Variants in ITIH1 observed in about 807,000 individuals in gnomAD.
The protein encoded by ITIH1 is inter-alpha-trypsin inhibitor heavy chain H1.
Under a neutral mutation model 104.6 loss-of-function variants are expected in ITIH1, and 94 were observed. The observed-to-expected ratio is 0.90, with a 90% CI of 0.76 to 1.07. The LOEUF (loss-of-function observed/expected upper bound fraction) is 1.07, where lower values mean the gene tolerates loss of function less well. Ranked by LOEUF, ITIH1 falls within the 50% of genes least tolerant of loss-of-function variation. The pLI is 0.00. For missense variants in ITIH1, 1,193 were observed against 1,181.4 expected, an observed-to-expected ratio of 1.01 and a Z score of -0.14; for synonymous variants, 455 against 464.4, an observed-to-expected ratio of 0.98 and a Z score of 0.26.
At position 52,791,603 on chromosome 3, in the gene ITIH1, A is replaced by C; in HGVS notation, c.2581A>C (p.Arg861=). The change falls in exon 21 of 22, where the codon AGG becomes CGG. Residue 861 remains arginine, a synonymous_variant. Coordinates refer to ENST00000273283, the MANE Select transcript of ITIH1 (RefSeq NM_002215.4). ...AAAGCCAGATGCCACGATGGTGGTG[A>C]GGAACCGCCGGCTCACGGTCACCAG... ...PTKPDATMVV[R]NRRLTVTRGL... 6.2e-7 allele frequency: 1 copy of C among 1,614,050 alleles called. No homozygotes were observed. Among genetic ancestry groups the C allele is most frequent in the Non-Finnish European group, 8.5e-7 (1 of 1,179,984 alleles).
In ITIH1 at chr3:52,790,819, G is replaced by A; in HGVS notation, c.2392G>A (p.Val798Ile). 2 of 1,613,132 alleles carry A rather than the reference G, an allele frequency of 1.2e-6. No homozygotes were observed. Among genetic ancestry groups the A allele is most frequent in the Non-Finnish European group, 1.7e-6 (2 of 1,179,572 alleles). ...SVDDGGTFEV[V>I]LHRVWKGSSV... is the part of the protein sequence containing the mutation. ...GGACGACGGTGGCACCTTTGAGGTT[G>A]TTTTGCACCGAGTGTGGAAGGGGAG... Residue 798 changes from valine to isoleucine, a missense_variant, in exon 20 of 22, where the codon GTT (valine) becomes ATT (isoleucine). Transcript: ENST00000273283.
chr3:52,781,460 C>A (rs1379788727), intron 6 of ITIH1, among the ~76,000 whole-genome samples: 1 of 151,744 alleles, frequency 6.6e-6, no homozygotes, highest in Non-Finnish European at 1.5e-5. Context: ...TATATGAAGT[C>A]CAGGAATATA....
rs1330107888 is a variant in ITIH1, at chr3:52,778,928, T to C, written c.306-14T>C. 1 of 1,588,000 alleles carries C rather than the reference T, an allele frequency of 6.3e-7. No individual in the cohort carries two copies. The highest frequency in any genetic ancestry group is 2.2e-5 in the East Asian group (1 of 44,758). Reference sequence around the variant, plus strand: ...AGGCTCATCTTTCCTGAGGGTGTCCTTCCCTCCCTGCAGTACAGCAGATGG... The same window carrying C: ...AGGCTCATCTTTCCTGAGGGTGTCCCTCCCTCCCTGCAGTACAGCAGATGG... On this transcript the variant is annotated splice_polypyrimidine_tract_variant and intron_variant, in intron 3 of 21. Transcript: ENST00000273283.
chr3:52,785,234 A>G lies in ITIH1; in HGVS notation c.1593+5A>G. 6.2e-7 allele frequency: 1 copy of G among 1,613,504 alleles called. No individual in the cohort carries two copies. Among genetic ancestry groups the G allele is most frequent in the East Asian group, 2.2e-5 (1 of 44,872 alleles). On this transcript the variant is annotated splice_donor_5th_base_variant and intron_variant, in intron 12 of 21. Coordinates refer to ENST00000273283, the MANE Select transcript of ITIH1 (RefSeq NM_002215.4). ...GCTGATGTGCAGGCCCATGGGGTAA[A>G]TGGTGGGCCATGGAGGGTGGAGAGG...
Position 52,789,659 on chromosome 3 carries a change from C to T in ITIH1, c.2126C>T (p.Ser709Leu). The T allele has an allele frequency of 2.5e-6, 4 of 1,614,136 alleles. No homozygotes were observed. The highest frequency in any genetic ancestry group is 3.4e-6 in the Non-Finnish European group (4 of 1,180,000). The stretch of plus-strand genomic sequence containing the variant: ...CCCTCTTGCTCCATTGCAGGCTTCT[C>T]AGTGAATGGACAGCTCATTGGCAAC... ...SLVQDPNTGF[S>L]VNGQLIGNKA... The change falls in exon 19 of 22, where the codon TCA (serine) becomes TTA (leucine). Residue 709 changes from serine to leucine, a missense_variant. Physicochemically the swap from Ser to Leu is moderately radical, Grantham distance 145 (BLOSUM62 -2). Transcript: ENST00000273283.
chr3:52,784,942 C>G, intron 11 of ITIH1, 102 bp from the exon 12 acceptor site: 1 of 1,222,662 alleles, frequency 8.2e-7, no homozygotes, highest in Non-Finnish European at 1.2e-6. Flanking sequence ...CCCTCAAATT[C>G]CTTCTCTAAC....
At chr3:52,787,515 T>C (rs549279693) in intron 15 of ITIH1, 77 bp from the exon 16 acceptor site, 49 of 1,563,396 alleles carry the variant, frequency 3.1e-5, no homozygotes, top group Non-Finnish European at 4.1e-5. Context: ...AGGCCTGTTG[T>C]GGACAGAGCT....
chr3:52,788,905 C>G (rs2300149), intron 18 of ITIH1, among the ~76,000 whole-genome samples: 1 of 151,708 alleles, frequency 6.6e-6, no homozygotes, highest in Non-Finnish European at 1.5e-5. Flanking sequence ...TTAACACTTT[C>G]TAAACAAGGG....
At chr3:52,784,699 AC>A (rs1192427012) in intron 11 of ITIH1, among the ~76,000 whole-genome samples, 5 of 152,048 alleles carry the variant, frequency 3.3e-5, no homozygotes, top group African/African-American at 1.2e-4. Flanking sequence ...ACATGGTGAA[AC>A]CCCGTCTCTA....
Position 52,784,446 on chromosome 3 carries a change from A to G in ITIH1, c.1376A>G (p.Tyr459Cys), listed in dbSNP as rs766382247. ...MENNGRAQRI[Y>C]EDHDATQQLQ... ...AACAACGGACGGGCCCAGAGAATCTACGAGGACCATGATGCCACCCAGCAG... is the reference window on the plus strand; with the variant it reads ...AACAACGGACGGGCCCAGAGAATCTGCGAGGACCATGATGCCACCCAGCAG... The change falls in exon 11 of 22, where the codon TAC becomes TGC. Residue 459 changes from tyrosine (Y) to cysteine (C), a missense_variant. Physicochemically the swap from Tyr to Cys is radical, Grantham distance 194. Coordinates refer to ENST00000273283, the MANE Select transcript of ITIH1 (RefSeq NM_002215.4). 2.5e-6 allele frequency: 4 copies of G among 1,614,138 alleles called. No homozygotes were observed. The highest frequency in any genetic ancestry group is 3.3e-5 in the Admixed American group (2 of 60,020).
At chr3:52,789,880 T>C in intron 19 of ITIH1, 26 bp downstream of exon 19, 1 of 1,610,922 alleles carries the variant, frequency 6.2e-7, no homozygotes. Context: ...CTGGGCAAGA[T>C]GCAGGGGGAG....
intron 10 of ITIH1, among the ~76,000 whole-genome samples, chr3:52,783,760 G>C (rs1036595197): frequency 1.3e-5 from 2 of 152,084 alleles, no homozygotes; most frequent in Non-Finnish European, 2.9e-5. Context: ...TAGATACTGA[G>C]GGCCCTGAAA....
chr3:52,788,310 G>A lies in ITIH1; in HGVS notation c.2084G>A (p.Gly695Asp), dbSNP rs374399262. ...TLCFNINEEP[G>D]VILSLVQDPN... Reference sequence around the variant, plus strand: ...TGCTTCAACATCAATGAGGAGCCTGGTGTTATCCTGAGCCTGGTACAGGAC... The same window carrying A: ...TGCTTCAACATCAATGAGGAGCCTGATGTTATCCTGAGCCTGGTACAGGAC... The change falls in exon 18 of 22, where the codon GGT (glycine) becomes GAT (aspartate). Residue 695 changes from glycine (G) to aspartate (D), a missense_variant. By Grantham distance (94) the Gly-to-Asp change is moderately conservative (BLOSUM62 -1). Transcript: ENST00000273283. The A allele has an allele frequency of 6.2e-7, 1 of 1,609,816 alleles. No homozygotes were observed. Among genetic ancestry groups the A allele is most frequent in the African/African-American group, 1.3e-5 (1 of 74,908 alleles).
intron 2 of ITIH1, 30 bp from the exon 3 acceptor site, chr3:52,778,310 A>G: frequency 6.2e-7 from 1 of 1,609,010 alleles, no homozygotes; most frequent in Non-Finnish European, 8.5e-7. Flanking sequence ...GCCCTGTCTC[A>G]GGCCACAGCT....
intron 6 of ITIH1, among the ~76,000 whole-genome samples, chr3:52,781,272 T>TTCC (rs1699047852): frequency 7.4e-6 from 1 of 135,020 alleles, no homozygotes; most frequent in African/African-American, 2.9e-5. Context: ...CTTCTTCTTC[T>TTCC]TCTTCTTCTT....
Position 52,789,681 on chromosome 3 carries a change from C to T in ITIH1, c.2148C>T (p.Gly716=). The T allele has an allele frequency of 6.2e-7, 1 of 1,614,218 alleles. No individual in the cohort carries two copies. Among genetic ancestry groups the T allele is most frequent in the Non-Finnish European group, 8.5e-7 (1 of 1,180,040 alleles). ...TCTCAGTGAATGGACAGCTCATTGGCAACAAGGCCAGGAGCCCTGGGCAGC... is the reference window on the plus strand; with the variant it reads ...TCTCAGTGAATGGACAGCTCATTGGTAACAAGGCCAGGAGCCCTGGGCAGC... ...TGFSVNGQLI[G]NKARSPGQHD... The change falls in exon 19 of 22, where the codon GGC becomes GGT. Residue 716 remains glycine, a synonymous_variant. Coordinates refer to ENST00000273283, the MANE Select transcript of ITIH1 (RefSeq NM_002215.4).
Position 52,778,991 on chromosome 3 carries a change from G to A in ITIH1, c.355G>A (p.Ala119Thr). The A allele has an allele frequency of 6.2e-7, 1 of 1,614,146 alleles. No individual in the cohort carries two copies. Among genetic ancestry groups the A allele is most frequent in the Non-Finnish European group, 8.5e-7 (1 of 1,179,934 alleles). The part of the protein sequence containing the change: ...FIGDIKDKVT[A>T]WKQYRKAAIS... ...CGGAGACATAAAGGACAAGGTGACT[G>A]CATGGAAGCAGTACCGGAAAGCAGC... The change falls in exon 4 of 22, where the codon GCA becomes ACA. Residue 119 changes from alanine (A) to threonine (T), a missense_variant. Coordinates refer to ENST00000273283, the MANE Select transcript of ITIH1 (RefSeq NM_002215.4).
At position 52,790,814 on chromosome 3, in the gene ITIH1, A is replaced by G. The variant is rs992578612; in HGVS notation, c.2387A>G (p.Glu796Gly). ...VVSVDDGGTF[E>G]VVLHRVWKGS... ...TCTGTGGACGACGGTGGCACCTTTG[A>G]GGTTGTTTTGCACCGAGTGTGGAAG... Residue 796 changes from glutamate to glycine, a missense_variant, in exon 20 of 22, where the codon GAG becomes GGG. Coordinates refer to ENST00000273283, the MANE Select transcript of ITIH1 (RefSeq NM_002215.4). 4 of 1,612,676 alleles carry G rather than the reference A, an allele frequency of 2.5e-6. No homozygotes were observed. The highest frequency in any genetic ancestry group is 1.3e-5 in the African/African-American group (1 of 74,908).
intron 13 of ITIH1, 78 bp downstream of exon 13, chr3:52,786,512 G>T: frequency 7.3e-7 from 1 of 1,366,524 alleles, no homozygotes; most frequent in Non-Finnish European, 1.0e-6. Flanking sequence ...AGCAGAGGAG[G>T]GGTGGTTCTG....
Sources: allele counts gnomAD v4.1 joint callset (sites outside exome capture counted in the v4.1 genomes callset), GRCh38; gene constraint gnomAD v4.1.1; transcripts MANE v1.5; gene names NCBI Gene and HGNC (gene_info 2026-07-23, HGNC 2026-07-21).